The following PROCR variants were observed in gnomAD, a reference collection of about 807,000 sequenced individuals.
The protein encoded by PROCR is endothelial protein C receptor.
In PROCR, 22 loss-of-function variants were observed where a neutral mutation model predicts 24.2. The observed-to-expected ratio is 0.91, with a 90% CI of 0.65 to 1.30. PROCR has a LOEUF of 1.30. Among genes scored for constraint, PROCR ranks in the 50% most tolerant of loss-of-function variants. PROCR has a pLI of 0.00. For missense variants in PROCR, 288 were observed against 307.7 expected (o/e 0.94, Z 0.48); for synonymous variants, 137 against 139.2 (o/e 0.98, Z 0.11).
chr20:35,196,180 CAAAAAAAAA>C (rs68132775), intron 1 of PROCR, among the ~76,000 whole-genome samples: 99 of 63,496 alleles, frequency 1.6e-3, no homozygotes, highest in Middle Eastern at 0.013. Context: ...AGACTGCCTC[CAAAAAAAAA>C]AAAAAAAAAA....
At chr20:35,188,268 C>G (rs143463381) in intron 1 of PROCR, among the ~76,000 whole-genome samples, 60 of 152,244 alleles carry the variant, frequency 3.9e-4, no homozygotes, top group Non-Finnish European at 7.9e-4. Context: ...TGCCCAGGAA[C>G]TGATAGTCTA....
chr20:35,179,077 C>G (rs1232348940), downstream of PROCR, among the ~76,000 whole-genome samples: 1 of 149,096 alleles, frequency 6.7e-6, no homozygotes, highest in African/African-American at 2.5e-5. Flanking sequence ...TAAACAAAAA[C>G]AAAAAATTAG....
chr20:35,186,729 AC>A (rs2086130730), intron 1 of PROCR, among the ~76,000 whole-genome samples: 1 of 121,308 alleles, frequency 8.2e-6, no homozygotes, highest in Non-Finnish European at 1.6e-5. Context: ...CAGGTGGATC[AC>A]AAGGTCAGGA....
At chr20:35,208,193 A>T (rs2146179337) in intron 1 of PROCR, among the ~76,000 whole-genome samples, 1 of 152,310 alleles carries the variant, frequency 6.6e-6, no homozygotes, top group Non-Finnish European at 1.5e-5. Context: ...AGATGACAGC[A>T]TGCCAAGGAC....
chr20:35,187,956 G>A (rs2086142442), intron 1 of PROCR, among the ~76,000 whole-genome samples: 1 of 152,198 alleles, frequency 6.6e-6, no homozygotes, highest in South Asian at 2.1e-4. Context: ...GTGGCAGCCA[G>A]ACTATTAGAG....
intron 1 of PROCR, among the ~76,000 whole-genome samples, chr20:35,185,589 C>T (rs752506803): frequency 6.6e-6 from 1 of 152,066 alleles, no homozygotes; most frequent in African/African-American, 2.4e-5. Flanking sequence ...TTGCAATGAC[C>T]TGGAGGAGAT....
intron 1 of PROCR, among the ~76,000 whole-genome samples, chr20:35,205,608 G>T (rs561542058): frequency 6.7e-6 from 1 of 149,680 alleles, no homozygotes; most frequent in Non-Finnish European, 1.5e-5. Flanking sequence ...AAAATTAGCC[G>T]GGTGTGGTGG....
intron 1 of PROCR, among the ~76,000 whole-genome samples, chr20:35,185,764 G>A (rs1174456329): frequency 6.6e-6 from 1 of 152,164 alleles, no homozygotes; most frequent in African/African-American, 2.4e-5. Flanking sequence ...AGGGATAAAA[G>A]ACTACAAATA....
chr20:35,207,599 G>A (rs181649204), intron 1 of PROCR, among the ~76,000 whole-genome samples: 138 of 151,528 alleles, frequency 9.1e-4, no homozygotes, highest in African/African-American at 3.2e-3. Flanking sequence ...GTATGATCTC[G>A]GCTCACTGCA....
intron 1 of PROCR, among the ~76,000 whole-genome samples, chr20:35,211,804 A>C (rs2060363464): frequency 6.6e-6 from 1 of 152,150 alleles, no homozygotes; most frequent in Admixed American, 6.5e-5. Context: ...ACCCGAGATC[A>C]GGAGTTTGAG....
downstream of PROCR, among the ~76,000 whole-genome samples, chr20:35,178,507 G>GTTTTTTT (rs1203789471): frequency 5.8e-4 from 20 of 34,370 alleles, 5 homozygotes; most frequent in East Asian, 3.5e-3. Flanking sequence ...TCAAGTCTCA[G>GTTTTTTT]TTTTTTTTTT....
intron 1 of PROCR, among the ~76,000 whole-genome samples, chr20:35,198,423 A>G (rs1455988746): frequency 2.6e-5 from 4 of 152,218 alleles, no homozygotes; most frequent in African/African-American, 4.8e-5. Context: ...CCCTTAAGCC[A>G]AAACTTAATC....
chr20:35,181,344 T>C (rs2086077276), downstream of PROCR, among the ~76,000 whole-genome samples: 2 of 151,470 alleles, frequency 1.3e-5, no homozygotes, highest in South Asian at 4.2e-4. Flanking sequence ...GTGCGATCTC[T>C]GCTCACTGCA....
At position 35,176,237 on chromosome 20, in the gene PROCR, T is replaced by G; in HGVS notation, c.392T>G (p.Phe131Cys). 6.2e-7 allele frequency: 1 copy of G among 1,614,142 alleles called. No homozygotes were observed. Among genetic ancestry groups the G allele is most frequent in the Non-Finnish European group, 8.5e-7 (1 of 1,180,034 alleles). The change falls in exon 3 of 4, where the codon TTC becomes TGC. Residue 131 changes from phenylalanine to cysteine, a missense_variant. Phe to Cys is a radical substitution (Grantham distance 205). Transcript: ENST00000216968. ...PPEGSRAHVF[F>C]EVAVNGSSFV... ...GAGGGCTCTAGAGCCCATGTCTTCT[T>G]CGAAGTGGCTGTGAATGGGAGCTCC...
chr20:35,195,259 TA>T (rs2086205798), intron 1 of PROCR: 2 of 152,146 alleles, frequency 1.3e-5, no homozygotes, highest in South Asian at 4.1e-4. Flanking sequence ...CGATATAAAT[TA>T]TTCAATATAA....
chr20:35,178,231 C>A (rs142329630), downstream of PROCR, among the ~76,000 whole-genome samples: 1 of 151,356 alleles, frequency 6.6e-6, no homozygotes, highest in African/African-American at 2.4e-5. Context: ...CAGTGAAACC[C>A]TATCTCTACT....
exon 2 of PROCR, chr20:35,215,922 G>A (rs2060380625): frequency 1.0e-6 from 1 of 983,732 alleles, no homozygotes; most frequent in Non-Finnish European, 1.2e-6. Flanking sequence ...CTCTGGCCGG[G>A]CGCAGTGGCT....
At chr20:35,199,517 G>A (rs187076099) in intron 1 of PROCR, among the ~76,000 whole-genome samples, 24 of 152,272 alleles carry the variant, frequency 1.6e-4, no homozygotes, top group East Asian at 1.5e-3. Flanking sequence ...TTGAGAGGCC[G>A]AGGTGGGCGG....
intron 1 of PROCR, among the ~76,000 whole-genome samples, chr20:35,213,230 G>A (rs6088767): frequency 4.6e-5 from 7 of 152,184 alleles, no homozygotes; most frequent in Non-Finnish European, 8.8e-5. Context: ...CTACTTGGGA[G>A]GCTGAGACAT....
Sources: gnomAD v4.1 joint callset for allele counts (sites outside exome capture counted in the v4.1 genomes callset) on GRCh38, gnomAD v4.1.1 for gene constraint, MANE v1.5 for transcripts, NCBI Gene and HGNC (gene_info 2026-07-23, HGNC 2026-07-21) for gene names.